Variants in MAP1LC3A observed in about 807,000 individuals in gnomAD.
MAP1LC3A encodes the protein microtubule-associated protein 1 light chain 3 alpha.
In MAP1LC3A, 10 loss-of-function variants were observed where a neutral mutation model predicts 15.2. That is an observed-to-expected ratio of 0.66 (90% CI 0.41 to 1.12). MAP1LC3A has a LOEUF of 1.12. MAP1LC3A is among the 50% of genes most tolerant of loss of function. The probability of loss-of-function intolerance (pLI) is 0.00; values close to 1 mark genes in which losing one functional copy is unlikely to be tolerated. For missense variants in MAP1LC3A, 138 were observed against 167.3 expected, an observed-to-expected ratio of 0.82 and a Z score of 0.97; for synonymous variants, 63 against 64.3, an observed-to-expected ratio of 0.98 and a Z score of 0.10.
upstream of MAP1LC3A, chr20:34,558,415 C>T (rs909501812): frequency 3.0e-6 from 3 of 991,900 alleles, no homozygotes; most frequent in African/African-American, 5.2e-5. This position sits in a 1 kb window ranked among gnomAD's most constrained non-coding sequence, Gnocchi z 4.3. Flanking sequence ...CTGACACAGA[C>T]TCGGTGAGGG....
intron 1 of MAP1LC3A, among the ~76,000 whole-genome samples, chr20:34,548,225 A>C (rs1460691473): frequency 6.6e-6 from 1 of 152,228 alleles, no homozygotes; most frequent in Non-Finnish European, 1.5e-5. Flanking sequence ...CCTTTGTTCC[A>C]GAGACAGAGC....
intron 2 of MAP1LC3A, chr20:34,550,055 G>T: frequency 6.2e-7 from 1 of 1,612,124 alleles, no homozygotes; most frequent in South Asian, 1.1e-5. Context: ...CTGCCGTTGT[G>T]TGAAGGAGCT....
chr20:34,558,777 A>G lies in MAP1LC3A; in HGVS notation c.-92A>G. On this transcript the variant is annotated 5_prime_UTR_variant, in exon 1 of 4. Coordinates refer to ENST00000360668, the MANE Select transcript of MAP1LC3A (RefSeq NM_032514.4). This position sits in a 1 kb window ranked among gnomAD's most constrained non-coding sequence, Gnocchi z 4.3. ...CTCAGCGCGAGCCCCGGAGCCCTTG[A>G]GCGCGAGGCGCGGAGCCCCCGGAGC... 1 of 1,349,204 alleles carries G rather than the reference A, an allele frequency of 7.4e-7. No homozygotes were observed. Among genetic ancestry groups the G allele is most frequent in the South Asian group, 1.9e-5 (1 of 53,324 alleles). The allele number at this position is 1,349,204 out of a possible 1,614,324, so 83.6% of individuals were successfully genotyped here. A position where few individuals can be genotyped will look rare whatever the true frequency, so the allele number is the denominator to read the frequency against.
chr20:34,547,569 TGGG>T (rs1448208320), intron 1 of MAP1LC3A, among the ~76,000 whole-genome samples: 2 of 151,928 alleles, frequency 1.3e-5, no homozygotes, highest in Non-Finnish European at 2.9e-5. Flanking sequence ...GATTGAATCA[TGGG>T]GGCGGTTCCC....
chr20:34,550,135 GC>G, intron 2 of MAP1LC3A: 1 of 1,095,694 alleles, frequency 9.1e-7, no homozygotes, highest in Non-Finnish European at 1.4e-6. Flanking sequence ...CCGCCCGTGT[GC>G]CAGGCCGGCC....
At chr20:34,551,120 C>T (rs952253199) in intron 2 of MAP1LC3A, among the ~76,000 whole-genome samples, 44 of 152,010 alleles carry the variant, frequency 2.9e-4, no homozygotes, top group African/African-American at 9.9e-4. Flanking sequence ...GGCCTGGTGG[C>T]ATGCTCCCGT....
chr20:34,549,939 C>A, exon 2 of MAP1LC3A: 1 of 1,600,474 alleles, frequency 6.2e-7, no homozygotes, highest in Non-Finnish European at 8.6e-7. Flanking sequence ...ACTGACCCTC[C>A]ACCTCAGAGG....
chr20:34,558,101 T>C (rs1489320242), upstream of MAP1LC3A: 5 of 985,528 alleles, frequency 5.1e-6, no homozygotes, highest in Non-Finnish European at 6.0e-6. The surrounding 1 kb of genome is among the most constrained non-coding windows in gnomAD (Gnocchi z 4.3). Flanking sequence ...TCTGTGCCCT[T>C]TTCCTTATTC....
chr20:34,548,851 G>T (rs529878329), intron 1 of MAP1LC3A, among the ~76,000 whole-genome samples: 1 of 146,876 alleles, frequency 6.8e-6, no homozygotes, highest in African/African-American at 2.5e-5. Flanking sequence ...GACTACAGGC[G>T]CCCGCCACCA....
At chr20:34,555,775 C>G (rs1054736273), upstream of MAP1LC3A, among the ~76,000 whole-genome samples, 11 of 151,940 alleles carry the variant, frequency 7.2e-5, no homozygotes, top group South Asian at 1.9e-3. Context: ...TCTGGGCCCC[C>G]CAAAGTGCTG....
exon 2 of MAP1LC3A, chr20:34,549,994 T>A (rs1981885851): frequency 6.2e-7 from 1 of 1,614,178 alleles, no homozygotes; most frequent in Non-Finnish European, 8.5e-7. Flanking sequence ...ATGAGATTCT[T>A]CAGTTCTCCA....
rs373640997 is a variant in MAP1LC3A at position 34,559,451 on chromosome 20, C to A, written c.201C>A (p.Ile67=). Residue 67 remains isoleucine, a splice_region_variant and synonymous_variant, in exon 3 of 4, where the codon ATC becomes ATA. Coordinates refer to ENST00000360668, the MANE Select transcript of MAP1LC3A (RefSeq NM_032514.4). ...HVNMSELVKI[I]RRRLQLNPTQ... is the part of the protein sequence containing the mutation. ...ACATGAGCGAGTTGGTCAAGATCAT[C>A]CGGTGCGTGGGCAGCCGCCGCCAGG... 2.5e-6 allele frequency: 4 copies of A among 1,611,640 alleles called. No homozygotes were observed. The highest frequency in any genetic ancestry group is 3.4e-6 in the Non-Finnish European group (4 of 1,179,148).
intron 2 of MAP1LC3A, among the ~76,000 whole-genome samples, chr20:34,553,188 CA>C (rs1982011807): frequency 6.6e-6 from 1 of 151,740 alleles, no homozygotes. Flanking sequence ...AATTGCATCT[CA>C]AAAATGAAAA....
At position 34,559,225 on chromosome 20, in the gene MAP1LC3A, G is replaced by A. The variant is rs760887166; in HGVS notation, c.58G>A (p.Val20Ile). Residue 20 changes from valine (V) to isoleucine (I), a missense_variant, in exon 2 of 4, where the codon GTA becomes ATA. Val to Ile is a conservative substitution (Grantham distance 29). Transcript: ENST00000360668. ...RRSFADRCKE[V>I]QQIRDQHPSK... ...GTCCGCAGCCGACCGCTGTAAGGAG[G>A]TACAGCAGATCCGCGACCAGCACCC... 9 of 1,604,194 alleles carry A rather than the reference G, an allele frequency of 5.6e-6. No homozygotes were observed. Among genetic ancestry groups the A allele is most frequent in the Middle Eastern group, 3.7e-4 (2 of 5,466 alleles).
At chr20:34,555,784 T>G (rs1008781209), upstream of MAP1LC3A, among the ~76,000 whole-genome samples, 3 of 151,866 alleles carry the variant, frequency 2.0e-5, no homozygotes, top group African/African-American at 7.3e-5. Context: ...CCCAAAGTGC[T>G]GGGATTACAG....
At chr20:34,558,062 C>A, upstream of MAP1LC3A, 1 of 985,368 alleles carries the variant, frequency 1.0e-6, no homozygotes, top group Non-Finnish European at 1.2e-6. The surrounding 1 kb of genome is among the most constrained non-coding windows in gnomAD (Gnocchi z 4.3). Flanking sequence ...GAGCTCTGCT[C>A]GGGCCCGCGA....
Position 34,559,793 on chromosome 20 carries a change from C to T in MAP1LC3A, c.261C>T (p.Ser87=), listed in dbSNP as rs774328681. The T allele has an allele frequency of 2.5e-6, 4 of 1,613,890 alleles. No individual in the cohort carries two copies. The highest frequency in any genetic ancestry group is 1.1e-5 in the South Asian group (1 of 91,076). ...QAFFLLVNQH[S]MVSVSTPIAD... The stretch of plus-strand genomic sequence containing the variant: ...TCTTCCTGCTGGTGAACCAGCACAG[C>T]ATGGTGAGTGTGTCCACGCCCATCG... The change falls in exon 4 of 4, where the codon AGC becomes AGT. Residue 87 remains serine (S), a synonymous_variant. Transcript: ENST00000360668.
rs747034930 is a variant in MAP1LC3A at position 34,559,939 on chromosome 20, C to G, written c.*41C>G. 11 of 1,579,230 alleles carry G rather than the reference C, an allele frequency of 7.0e-6. No homozygotes were observed. The highest frequency in any genetic ancestry group is 5.9e-5 in the South Asian group (5 of 85,140). On this transcript the variant is annotated 3_prime_UTR_variant, in exon 4 of 4. Coordinates refer to ENST00000360668, the MANE Select transcript of MAP1LC3A (RefSeq NM_032514.4). Reference sequence around the variant, plus strand: ...GCTCGGCCTGGGAGTCGGGCGGCCCCGGTCAGGCCCTGCCCAGAGAGCTCC... The same window carrying G: ...GCTCGGCCTGGGAGTCGGGCGGCCCGGGTCAGGCCCTGCCCAGAGAGCTCC...
chr20:34,553,837 CAGGGTGTGGTTCTGTTAT>C (rs1982040196), upstream of MAP1LC3A, among the ~76,000 whole-genome samples: 1 of 152,198 alleles, frequency 6.6e-6, no homozygotes, highest in Admixed American at 6.5e-5. Flanking sequence ...TTTCATTAAA[CAGGGTGTGGTTCTGTTAT>C]AGGAACACAC....
Sources: gnomAD v4.1 joint callset for allele counts (sites outside exome capture counted in the v4.1 genomes callset) on GRCh38, gnomAD v4.1.1 for gene constraint, Gnocchi (gnomAD v3.1) non-coding constraint, MANE v1.5 for transcripts, NCBI Gene and HGNC (gene_info 2026-07-23, HGNC 2026-07-21) for gene names.